TUBGCP3: variants seen among roughly 807,000 people sequenced by gnomAD.
TUBGCP3 encodes tubulin gamma complex component 3.
TUBGCP3 carries 50 observed loss-of-function variants against 123.1 expected under a neutral mutation model. The observed-to-expected ratio is 0.41, with a 90% CI of 0.32 to 0.51. TUBGCP3 has a LOEUF of 0.51. TUBGCP3 is among the 20% of genes least tolerant of loss of function. The probability of loss-of-function intolerance (pLI) is 0.36; values close to 1 mark genes in which losing one functional copy is unlikely to be tolerated. For missense variants in TUBGCP3, 882 were observed against 1,127.0 expected (o/e 0.78, Z 3.11); for synonymous variants, 405 against 413.9 (o/e 0.98, Z 0.26).
chr13:112,532,944 T>C (rs1877706521), intron 11 of TUBGCP3, among the ~76,000 whole-genome samples: 2 of 152,230 alleles, frequency 1.3e-5, no homozygotes, highest in African/African-American at 4.8e-5. Flanking sequence ...CAGCTTTCAA[T>C]GATACCACAG....
At chr13:112,522,683 GA>G (rs1172957281) in intron 13 of TUBGCP3, among the ~76,000 whole-genome samples, 174 bp from the exon 14 acceptor site, 3 of 152,164 alleles carry the variant, frequency 2.0e-5, no homozygotes, top group African/African-American at 7.2e-5. Flanking sequence ...AGAGCCCTAA[GA>G]CCACACACAT....
In TUBGCP3 at chr13:112,504,763, G is replaced by A. The variant is rs371550494; in HGVS notation, c.2087-49C>T. The A allele has an allele frequency of 8.3e-6, 12 of 1,453,182 alleles. No homozygotes were observed. In the Admixed American group the frequency reaches 8.6e-5, roughly 10 times the overall value. 90.0% of individuals were successfully genotyped at this position (1,453,182 alleles called of 1,614,324 possible). A position where few individuals can be genotyped will look rare whatever the true frequency, so the allele number is the denominator to read the frequency against. On this transcript the variant is annotated intron_variant, in intron 17 of 21. Transcript: ENST00000261965. ...GAGGTGCAATGCAAGTACACTTACC[G>A]ACAACGCGCTGTTCTCCCTTACCCA...
chr13:112,515,192 T>C (rs1217127231), intron 17 of TUBGCP3, among the ~76,000 whole-genome samples: 1 of 152,214 alleles, frequency 6.6e-6, no homozygotes, highest in Non-Finnish European at 1.5e-5. Flanking sequence ...GTTGCTAAAC[T>C]GATAATCAGA....
intron 17 of TUBGCP3, among the ~76,000 whole-genome samples, chr13:112,505,735 C>T (rs928683116): frequency 7.2e-5 from 11 of 152,198 alleles, no homozygotes; most frequent in African/African-American, 2.4e-4. Context: ...CTTAAACAGA[C>T]GATCAACTTA....
chr13:112,594,651 C>T, the TUBGCP3 span, among the ~76,000 whole-genome samples: 1 of 152,096 alleles, frequency 6.6e-6, no homozygotes, highest in East Asian at 1.9e-4. Flanking sequence ...TTGAGGTGAA[C>T]ACTTAGGTTA....
At chr13:112,593,413 T>C in the TUBGCP3 span, among the ~76,000 whole-genome samples, 25,546 of 144,452 alleles carry the variant, frequency 0.18, 3,349 homozygotes, top group African/African-American at 0.38. Context: ...GAGAGAGACT[T>C]TATCTAAATT....
At chr13:112,559,295 C>T (rs1017015271) in intron 4 of TUBGCP3, 27 bp downstream of exon 4, 44 of 1,596,276 alleles carry the variant, frequency 2.8e-5, no homozygotes, top group East Asian at 4.5e-5. Context: ...CCGACGGACA[C>T]GACGCTGCAA....
At chr13:112,490,149 C>T (rs1879980534) in intron 20 of TUBGCP3, among the ~76,000 whole-genome samples, 1 of 152,160 alleles carries the variant, frequency 6.6e-6, no homozygotes, top group Admixed American at 6.5e-5. Flanking sequence ...CCATGATGTA[C>T]TTTTTGGTAC....
intron 8 of TUBGCP3, among the ~76,000 whole-genome samples, chr13:112,548,405 G>T (rs193065908): frequency 6.6e-4 from 100 of 152,208 alleles, no homozygotes; most frequent in Admixed American, 1.1e-3. Context: ...TGCAGAAGAG[G>T]AATGGAAAAA....
chr13:112,555,992 A>C, intron 6 of TUBGCP3, 60 bp downstream of exon 6: 1 of 1,543,362 alleles, frequency 6.5e-7, no homozygotes, highest in South Asian at 1.2e-5. Context: ...CTTTAAAATA[A>C]GGAGAGGCTG....
intron 3 of TUBGCP3, among the ~76,000 whole-genome samples, chr13:112,561,617 G>T (rs1365552145): frequency 6.6e-6 from 1 of 152,188 alleles, no homozygotes; most frequent in Admixed American, 6.5e-5. Flanking sequence ...AGCAGGCAGC[G>T]TGCGGGTGGA....
chr13:112,599,667 C>T, the TUBGCP3 span, among the ~76,000 whole-genome samples: 22 of 151,924 alleles, frequency 1.4e-4, no homozygotes, highest in Admixed American at 1.3e-3. Context: ...CCACCAGGCC[C>T]GCCAAGTTAT....
At chr13:112,535,140 G>GA in intron 11 of TUBGCP3, among the ~76,000 whole-genome samples, 1 of 152,304 alleles carries the variant, frequency 6.6e-6, no homozygotes, top group South Asian at 2.1e-4. Flanking sequence ...TGTTAAGGCT[G>GA]AATAATATTC....
At position 112,545,895 on chromosome 13, in the gene TUBGCP3, AC is replaced by A; in HGVS notation, c.1169-31del. On this transcript the variant is annotated intron_variant, in intron 10 of 21. Coordinates refer to ENST00000261965, the MANE Select transcript of TUBGCP3 (RefSeq NM_006322.6). This position sits in a 1 kb window ranked among gnomAD's most constrained non-coding sequence, Gnocchi z 4.1. Reference sequence around the variant, plus strand: ...GAGAAATGGAGGAAAATACACAAAAACATCCACATTTACACTCATAGTACAC... The same window carrying A: ...GAGAAATGGAGGAAAATACACAAAAAATCCACATTTACACTCATAGTACAC... The A allele has an allele frequency of 6.2e-7, 1 of 1,603,958 alleles. No homozygotes were observed. Among genetic ancestry groups the A allele is most frequent in the Non-Finnish European group, 8.5e-7 (1 of 1,171,820 alleles).
the TUBGCP3 span, among the ~76,000 whole-genome samples, chr13:112,599,829 G>A: frequency 1.3e-5 from 2 of 151,954 alleles, no homozygotes; most frequent in Non-Finnish European, 2.9e-5. Flanking sequence ...TACACCTTAT[G>A]TTTTATACCA....
chr13:112,510,680 G>A (rs986149686), intron 17 of TUBGCP3, among the ~76,000 whole-genome samples: 18 of 152,264 alleles, frequency 1.2e-4, no homozygotes, highest in African/African-American at 2.4e-4. Context: ...AGTAAGTGCC[G>A]TCGCCACCTC....
intron 20 of TUBGCP3, among the ~76,000 whole-genome samples, chr13:112,493,106 GT>G (rs1880234454): frequency 1.4e-5 from 2 of 146,234 alleles, no homozygotes; most frequent in Admixed American, 6.8e-5. Context: ...GGGGCCTGGT[GT>G]GCCTGAGACA....
intron 2 of TUBGCP3, among the ~76,000 whole-genome samples, chr13:112,565,849 G>T (rs1238347953): frequency 6.6e-6 from 1 of 151,758 alleles, no homozygotes; most frequent in Non-Finnish European, 1.5e-5. Context: ...GCAGGTGAAT[G>T]GCATGAACCC....
chr13:112,562,937 C>T (rs926060838), intron 3 of TUBGCP3, among the ~76,000 whole-genome samples: 4 of 152,222 alleles, frequency 2.6e-5, no homozygotes, highest in Non-Finnish European at 1.5e-5. Flanking sequence ...CACCCGTCAT[C>T]AACAGGGCAC....
Sources: gnomAD v4.1 joint callset for allele counts (sites outside exome capture counted in the v4.1 genomes callset) on GRCh38, gnomAD v4.1.1 for gene constraint, Gnocchi (gnomAD v3.1) non-coding constraint, MANE v1.5 for transcripts, NCBI Gene and HGNC (gene_info 2026-07-23, HGNC 2026-07-21) for gene names.